GRIA4: variants seen among roughly 807,000 people sequenced by gnomAD.
GRIA4 encodes glutamate ionotropic receptor AMPA type subunit 4, also known as glutamate receptor 4.
GRIA4 carries 34 observed loss-of-function variants against 104.0 expected under a neutral mutation model. That is an observed-to-expected ratio of 0.33 (90% CI 0.25 to 0.44). The LOEUF (loss-of-function observed/expected upper bound fraction) is 0.44, where lower values mean the gene tolerates loss of function less well. Among genes scored for constraint, GRIA4 ranks in the 20% least tolerant of loss-of-function variants. GRIA4 has a pLI of 1.00. For synonymous variants in GRIA4, 386 were observed against 381.9 expected, an observed-to-expected ratio of 1.01 and a Z score of -0.13; for missense variants, 750 against 1,096.5, an observed-to-expected ratio of 0.68 and a Z score of 4.46.
chr11:105,692,721 A>T (rs1050695478), intron 3 of GRIA4, among the ~76,000 whole-genome samples: 2 of 152,234 alleles, frequency 1.3e-5, no homozygotes, highest in South Asian at 4.1e-4. Context: ...CAGTGCGTGA[A>T]TCGCAATCAG....
intron 4 of GRIA4, among the ~76,000 whole-genome samples, chr11:105,833,647 C>A (rs1368013445): frequency 3.3e-5 from 5 of 151,890 alleles, no homozygotes; most frequent in Non-Finnish European, 7.4e-5. Flanking sequence ...CAAGAGTCCT[C>A]TAATATTAAG....
intron 3 of GRIA4, among the ~76,000 whole-genome samples, chr11:105,739,197 T>C (rs1939156536): frequency 6.6e-6 from 1 of 152,214 alleles, no homozygotes; most frequent in South Asian, 2.1e-4. Flanking sequence ...TTCTGCTTAT[T>C]CCTTTGTAGG....
At chr11:105,909,348 A>G (rs1947151988) in intron 9 of GRIA4, among the ~76,000 whole-genome samples, 1 of 152,162 alleles carries the variant, frequency 6.6e-6, no homozygotes, top group South Asian at 2.1e-4. Context: ...ATTTTATTGG[A>G]GACATGAGTT....
At chr11:105,821,615 C>T (rs1353770420) in intron 4 of GRIA4, among the ~76,000 whole-genome samples, 2 of 151,958 alleles carry the variant, frequency 1.3e-5, no homozygotes. Context: ...TCAAAGACAG[C>T]ACCCAGCCAT....
chr11:105,974,312 C>A lies in GRIA4; in HGVS notation c.2412C>A (p.Asp804Glu). 1 of 1,613,646 alleles carries A rather than the reference C, an allele frequency of 6.2e-7. No homozygotes were observed. The highest frequency in any genetic ancestry group is 8.5e-7 in the Non-Finnish European group (1 of 1,179,636). Reference protein sequence around the residue: ...ECGPKDSGSKDKTSALSLSNV... With the variant: ...ECGPKDSGSKEKTSALSLSNV... The stretch of plus-strand genomic sequence containing the variant: ...TGAAGTGTCTTTATCCCCCCTAGGA[C>A]AAGACGAGTGCCTTGAGCCTGAGCA... The change falls in exon 16 of 17, where the codon GAC (aspartate) becomes GAA (glutamate). Residue 804 changes from aspartate (D) to glutamate (E), a missense_variant and splice_region_variant. Transcript: ENST00000282499.
intron 3 of GRIA4, among the ~76,000 whole-genome samples, chr11:105,723,478 A>T (rs1937974349): frequency 6.6e-6 from 1 of 152,116 alleles, no homozygotes; most frequent in South Asian, 2.1e-4. Flanking sequence ...ATGGCAATTC[A>T]ATGAGATAAT....
At chr11:105,721,736 CATTCT>C (rs1475770426) in intron 3 of GRIA4, among the ~76,000 whole-genome samples, 3 of 152,140 alleles carry the variant, frequency 2.0e-5, no homozygotes, top group African/African-American at 7.2e-5. Context: ...CTGCGTGGAA[CATTCT>C]TCCCTCAGCT....
Position 105,974,302 on chromosome 11 carries a change from C to A in GRIA4, c.2410-8C>A. On this transcript the variant is annotated splice_region_variant and splice_polypyrimidine_tract_variant and intron_variant, in intron 15 of 16. Transcript: ENST00000282499. ...CACAGTTAACTGAAGTGTCTTTATC[C>A]CCCCTAGGACAAGACGAGTGCCTTG... 6.2e-7 allele frequency: 1 copy of A among 1,611,704 alleles called. No homozygotes were observed. The highest frequency in any genetic ancestry group is 8.5e-7 in the Non-Finnish European group (1 of 1,178,616).
chr11:105,710,134 T>C (rs1486148851), intron 3 of GRIA4, among the ~76,000 whole-genome samples: 2 of 152,122 alleles, frequency 1.3e-5, no homozygotes, highest in Non-Finnish European at 2.9e-5. Context: ...GATAATCAAA[T>C]TATATCCACA....
chr11:105,882,858 C>T (rs2136085002), intron 5 of GRIA4, among the ~76,000 whole-genome samples: 1 of 152,218 alleles, frequency 6.6e-6, no homozygotes, highest in South Asian at 2.1e-4. Flanking sequence ...GAAAAGTGTC[C>T]TAATTCATTT....
chr11:105,866,549 G>GTATATATATATATATATA (rs1345654796), intron 5 of GRIA4, among the ~76,000 whole-genome samples: 40 of 78,218 alleles, frequency 5.1e-4, no homozygotes, highest in African/African-American at 1.4e-3. Context: ...GTGTGTGTGT[G>GTATATATATATATATATA]TGTATATATA....
chr11:105,748,049 A>G (rs1264145849), intron 3 of GRIA4, among the ~76,000 whole-genome samples: 3 of 152,230 alleles, frequency 2.0e-5, no homozygotes, highest in African/African-American at 4.8e-5. Flanking sequence ...TTATTATTGC[A>G]TAACAAACCA....
chr11:105,910,677 CTATTGAGGCTTTGAATAG>C, intron 10 of GRIA4, 132 bp downstream of exon 10: 2 of 585,430 alleles, frequency 3.4e-6, no homozygotes, highest in East Asian at 5.8e-5. Flanking sequence ...CCACAAAATC[CTATTGAGGCTTTGAATAG>C]GTTCATCCTA....
chr11:105,721,363 CCTTTCACCTGTCTCCTCCATT>C (rs1216520058), intron 3 of GRIA4, among the ~76,000 whole-genome samples: 1 of 151,926 alleles, frequency 6.6e-6, no homozygotes, highest in Admixed American at 6.6e-5. Context: ...TTTTCATTTC[CCTTTCACCTGTCTCCTCCATT>C]CTCACAGACT....
intron 4 of GRIA4, among the ~76,000 whole-genome samples, chr11:105,806,659 T>A (rs1035156416): frequency 1.1e-4 from 17 of 151,734 alleles, no homozygotes; most frequent in African/African-American, 4.1e-4. Flanking sequence ...AAATTTTGTA[T>A]ATTGAATGGT....
intron 3 of GRIA4, among the ~76,000 whole-genome samples, chr11:105,630,418 G>T (rs1274340306): frequency 6.6e-6 from 1 of 152,128 alleles, no homozygotes; most frequent in Middle Eastern, 3.2e-3. Context: ...ACAAAAATTA[G>T]CCAGGCGTGG....
At chr11:105,769,644 C>T (rs1366633196) in intron 4 of GRIA4, among the ~76,000 whole-genome samples, 1 of 151,912 alleles carries the variant, frequency 6.6e-6, no homozygotes, top group Non-Finnish European at 1.5e-5. Context: ...TTTTAAAGTA[C>T]CCATAGTGAC....
chr11:105,734,189 T>C (rs1168654635), intron 3 of GRIA4, among the ~76,000 whole-genome samples: 1 of 151,620 alleles, frequency 6.6e-6, no homozygotes, highest in Non-Finnish European at 1.5e-5. Context: ...ACTAAGTATG[T>C]ATAAAATTGG....
intron 3 of GRIA4, among the ~76,000 whole-genome samples, chr11:105,746,078 C>T (rs73630134): frequency 0.027 from 4,027 of 151,824 alleles, 196 homozygotes; most frequent in African/African-American, 0.091. Flanking sequence ...TTATGCGATA[C>T]GTTTGCTACA....
Sources: allele counts gnomAD v4.1 joint callset (sites outside exome capture counted in the v4.1 genomes callset), GRCh38; gene constraint gnomAD v4.1.1; transcripts MANE v1.5; gene names NCBI Gene and HGNC (gene_info 2026-07-23, HGNC 2026-07-21).